The following IGFL2 variants were observed in gnomAD, a reference collection of about 807,000 sequenced individuals.
IGFL2 encodes insulin growth factor-like family member 2.
In IGFL2, 7 loss-of-function variants were observed where a neutral mutation model predicts 13.9. The ratio of observed to expected loss-of-function variants is 0.51; its 90% CI spans 0.29 to 0.95. IGFL2 has a LOEUF of 0.95. IGFL2 is among the 40% of genes least tolerant of loss of function. The pLI is 0.08. For synonymous variants in IGFL2, 55 were observed against 55.8 expected, an observed-to-expected ratio of 0.99 and a Z score of 0.07; for missense variants, 138 against 147.8, an observed-to-expected ratio of 0.93 and a Z score of 0.34.
At chr19:46,126,762 A>G in the IGFL2 span, among the ~76,000 whole-genome samples, 1 of 152,234 alleles carries the variant, frequency 6.6e-6, no homozygotes, top group Non-Finnish European at 1.5e-5. Flanking sequence ...CAACACATGA[A>G]ACATAAGCAA....
chr19:46,122,309 C>T, the IGFL2 span, among the ~76,000 whole-genome samples: 3 of 150,900 alleles, frequency 2.0e-5, no homozygotes, highest in Admixed American at 1.3e-4. Context: ...AGAAACTTGT[C>T]AAAATATTTT....
chr19:46,195,745 C>T, the IGFL2 span: 847 of 152,340 alleles, frequency 5.6e-3, 4 homozygotes, highest in Non-Finnish European at 8.3e-3. Flanking sequence ...CCTGAATCCT[C>T]GGCTCCCGCT....
chr19:46,210,657 AC>A, the IGFL2 span, among the ~76,000 whole-genome samples: 153 of 152,254 alleles, frequency 1.0e-3, 1 homozygote, highest in African/African-American at 3.3e-3. Context: ...TAGCCTTTTC[AC>A]GTTTTTCTTC....
chr19:46,175,300 G>A, the IGFL2 span, among the ~76,000 whole-genome samples: 1 of 152,042 alleles, frequency 6.6e-6, no homozygotes, highest in Non-Finnish European at 1.5e-5. Context: ...ATAATTCACA[G>A]TGAGGTTAAG....
the IGFL2 span, among the ~76,000 whole-genome samples, chr19:46,167,522 C>T: frequency 6.6e-6 from 1 of 152,176 alleles, no homozygotes; most frequent in East Asian, 1.9e-4. Flanking sequence ...CAGAAAACCA[C>T]CATAAAAAGA....
the IGFL2 span, among the ~76,000 whole-genome samples, chr19:46,193,659 CAG>C: frequency 6.6e-6 from 1 of 152,092 alleles, no homozygotes; most frequent in Non-Finnish European, 1.5e-5. Flanking sequence ...CAGGAAGAAA[CAG>C]AAATTTGCAC....
the IGFL2 span, among the ~76,000 whole-genome samples, chr19:46,126,675 A>G: frequency 6.6e-6 from 1 of 152,242 alleles, no homozygotes; most frequent in Admixed American, 6.5e-5. Context: ...ATCGTCTTCT[A>G]TTAATGTGTC....
chr19:46,120,455 G>A, the IGFL2 span: 1 of 1,542,634 alleles, frequency 6.5e-7, no homozygotes, highest in Non-Finnish European at 8.8e-7. Flanking sequence ...GACTTTAACA[G>A]ACTTGACTGC....
At chr19:46,094,925 A>G in the IGFL2 span, among the ~76,000 whole-genome samples, 71 of 152,232 alleles carry the variant, frequency 4.7e-4, no homozygotes, top group African/African-American at 1.6e-3. Context: ...TGTCTAGTCT[A>G]TCGTTGATGG....
At chr19:46,105,519 T>G in the IGFL2 span, among the ~76,000 whole-genome samples, 1 of 152,040 alleles carries the variant, frequency 6.6e-6, no homozygotes, top group African/African-American at 2.4e-5. Flanking sequence ...ATCAGAGAGA[T>G]ACAGTTATGG....
chr19:46,135,865 C>G, the IGFL2 span, among the ~76,000 whole-genome samples: 2 of 152,206 alleles, frequency 1.3e-5, no homozygotes, highest in Non-Finnish European at 2.9e-5. Context: ...CAACATTTTT[C>G]AAAGTGTGGC....
At chr19:46,133,639 A>G in the IGFL2 span, among the ~76,000 whole-genome samples, 1 of 152,246 alleles carries the variant, frequency 6.6e-6, no homozygotes. Flanking sequence ...AACGCAGAGT[A>G]TATTGATTTC....
the IGFL2 span, among the ~76,000 whole-genome samples, chr19:46,103,605 G>A: frequency 6.6e-6 from 1 of 151,696 alleles, no homozygotes; most frequent in South Asian, 2.1e-4. Flanking sequence ...ATGTAAACTG[G>A]CAGTGTAAAC....
At chr19:46,158,828 G>T (rs1222298143) in intron 1 of IGFL2, among the ~76,000 whole-genome samples, 1 of 152,148 alleles carries the variant, frequency 6.6e-6, no homozygotes, top group Non-Finnish European at 1.5e-5. Flanking sequence ...ATGCGGTCAG[G>T]ATGATTAGGA....
At chr19:46,164,935 G>T (rs907561250), downstream of IGFL2, among the ~76,000 whole-genome samples, 19 of 152,208 alleles carry the variant, frequency 1.2e-4, no homozygotes, top group African/African-American at 4.6e-4. Flanking sequence ...GACTAAAGTT[G>T]TTCCATCTGT....
At chr19:46,085,993 C>T in the IGFL2 span, among the ~76,000 whole-genome samples, 1 of 152,038 alleles carries the variant, frequency 6.6e-6, no homozygotes, top group Non-Finnish European at 1.5e-5. Context: ...GTAGGCTCCA[C>T]TCATTCTTTT....
chr19:46,104,248 C>T, the IGFL2 span, among the ~76,000 whole-genome samples: 9 of 152,142 alleles, frequency 5.9e-5, no homozygotes, highest in African/African-American at 1.7e-4. Flanking sequence ...TGTAGCATCT[C>T]GAGGACAGGC....
chr19:46,102,796 G>A, the IGFL2 span, among the ~76,000 whole-genome samples: 1 of 152,128 alleles, frequency 6.6e-6, no homozygotes. Flanking sequence ...GAACAAAATA[G>A]CGGTGAAGTG....
the IGFL2 span, chr19:46,207,147 C>G: frequency 6.6e-6 from 1 of 152,212 alleles, no homozygotes; most frequent in Non-Finnish European, 1.5e-5. Context: ...GTGGGAGCTT[C>G]CCTGGCCTTC....
Sources: allele counts gnomAD v4.1 joint callset (sites outside exome capture counted in the v4.1 genomes callset), GRCh38; gene constraint gnomAD v4.1.1; transcripts MANE v1.5; gene names NCBI Gene and HGNC (gene_info 2026-07-23, HGNC 2026-07-21).